Variants in KLHL18 observed in about 807,000 individuals in gnomAD.
KLHL18 encodes kelch like family member 18.
KLHL18 carries 38 observed loss-of-function variants against 58.5 expected under a neutral mutation model. That is an observed-to-expected ratio of 0.65 (90% confidence interval 0.50 to 0.85). The LOEUF (loss-of-function observed/expected upper bound fraction) is 0.85, where lower values mean the gene tolerates loss of function less well. KLHL18 is among the 40% of genes least tolerant of loss of function. The pLI is 0.00. For synonymous variants in KLHL18, 303 were observed against 301.9 expected (o/e 1.00, Z -0.04); for missense variants, 624 against 778.4 (o/e 0.80, Z 2.36).
At chr3:47,293,062 T>C (rs765902761) in intron 1 of KLHL18, among the ~76,000 whole-genome samples, 13 of 152,174 alleles carry the variant, frequency 8.5e-5, no homozygotes, top group Non-Finnish European at 1.6e-4. Context: ...TCCACTTATA[T>C]GAACTACCTA....
At chr3:47,318,949 C>G (rs1346266617) in intron 1 of KLHL18, among the ~76,000 whole-genome samples, 1 of 152,200 alleles carries the variant, frequency 6.6e-6, no homozygotes, top group Non-Finnish European at 1.5e-5. Context: ...TTTTGCTCTT[C>G]CTGGAGAATA....
At chr3:47,330,193 T>C in intron 4 of KLHL18, 44 bp downstream of exon 4, 1 of 1,535,430 alleles carries the variant, frequency 6.5e-7, no homozygotes, top group Non-Finnish European at 9.0e-7. Flanking sequence ...CATGAGATGC[T>C]GCTCTTTATA....
chr3:47,295,586 T>C (rs1295892648), intron 1 of KLHL18, among the ~76,000 whole-genome samples: 1 of 152,160 alleles, frequency 6.6e-6, no homozygotes, highest in Non-Finnish European at 1.5e-5. Flanking sequence ...TTTTCTTTTT[T>C]CTTTCTTCAG....
chr3:47,330,401 C>T (rs572453682), intron 4 of KLHL18, among the ~76,000 whole-genome samples: 1 of 152,228 alleles, frequency 6.6e-6, no homozygotes, highest in East Asian at 1.9e-4. Flanking sequence ...TTACTGCAGC[C>T]TCATCCTCCC....
intron 1 of KLHL18, among the ~76,000 whole-genome samples, chr3:47,300,309 A>ATATATATATATATATATATG (rs1244173185): frequency 6.9e-6 from 1 of 144,404 alleles, no homozygotes; most frequent in South Asian, 2.1e-4. Flanking sequence ...ATATATATAT[A>ATATATATATATATATATATG]TGTGTGTATA....
chr3:47,301,896 A>G (rs369445270), intron 1 of KLHL18, among the ~76,000 whole-genome samples: 9 of 152,240 alleles, frequency 5.9e-5, no homozygotes, highest in African/African-American at 1.9e-4. Flanking sequence ...CCCAGGCTCA[A>G]GCAATTCTCT....
At chr3:47,342,315 T>C (rs1559506361) in intron 8 of KLHL18, among the ~76,000 whole-genome samples, 1 of 152,018 alleles carries the variant, frequency 6.6e-6, no homozygotes, top group Non-Finnish European at 1.5e-5. Flanking sequence ...GAGCAAGCAC[T>C]GACTAGGAAG....
intron 1 of KLHL18, among the ~76,000 whole-genome samples, chr3:47,296,325 A>G (rs1702896182): frequency 6.6e-6 from 1 of 152,212 alleles, no homozygotes; most frequent in Admixed American, 6.5e-5. Flanking sequence ...TCAAGCACTT[A>G]AAAGTATTTA....
At chr3:47,284,658 G>C (rs1702630945) in intron 1 of KLHL18, among the ~76,000 whole-genome samples, 1 of 152,006 alleles carries the variant, frequency 6.6e-6, no homozygotes, top group Non-Finnish European at 1.5e-5. Flanking sequence ...TTTTCTACAT[G>C]GTTAAGGAAA....
intron 1 of KLHL18, among the ~76,000 whole-genome samples, chr3:47,291,590 G>C (rs1045611461): frequency 1.3e-5 from 2 of 152,212 alleles, no homozygotes; most frequent in Admixed American, 1.3e-4. Context: ...GGGTGTGGCT[G>C]TGTTCCAGTG....
At chr3:47,308,214 TTC>T (rs1208654248) in intron 1 of KLHL18, among the ~76,000 whole-genome samples, 12 of 151,944 alleles carry the variant, frequency 7.9e-5, no homozygotes, top group African/African-American at 2.4e-4. Context: ...CACTTAACTG[TTC>T]TTTTTTTTTT....
intron 1 of KLHL18, among the ~76,000 whole-genome samples, chr3:47,308,386 T>G (rs1703198422): frequency 6.6e-6 from 1 of 152,130 alleles, no homozygotes; most frequent in Admixed American, 6.6e-5. Flanking sequence ...CGTCAATATG[T>G]AGTTTTTCTT....
intron 9 of KLHL18, 131 bp downstream of exon 9, chr3:47,342,961 T>G (rs760859264): frequency 5.9e-6 from 4 of 673,034 alleles, no homozygotes; most frequent in Non-Finnish European, 1.0e-5. Flanking sequence ...GGTTTCAGGC[T>G]ATCCACTGCA....
intron 3 of KLHL18, among the ~76,000 whole-genome samples, chr3:47,324,294 C>CTTTTTTTTTTTTTTTTT (rs1559498832): frequency 7.5e-4 from 8 of 10,602 alleles, no homozygotes; most frequent in Admixed American, 1.6e-3. Context: ...CTTTTTCTTT[C>CTTTTTTTTTTTTTTTTT]TTTCTTTTTT....
chr3:47,333,714 A>G (rs576039419), intron 5 of KLHL18, among the ~76,000 whole-genome samples: 67 of 152,324 alleles, frequency 4.4e-4, no homozygotes, highest in African/African-American at 1.5e-3. Flanking sequence ...AGTAAATATT[A>G]GTCAGTGCTG....
chr3:47,325,183 CT>C lies in KLHL18; in HGVS notation c.401+2486del, dbSNP rs1278529309. ...GAAGGTGCATCATTTTCTTTTTTTT[CT>C]TTTTTTTTTTAAGGCGGAGCCTTGC... On this transcript the variant is annotated intron_variant, in intron 3 of 9. Coordinates refer to ENST00000232766, the MANE Select transcript of KLHL18 (RefSeq NM_025010.5). 4.9e-4 allele frequency among the ~76,000 whole-genome samples: 72 copies of C among 146,950 alleles called. 1 individual carries two copies. The highest frequency in any genetic ancestry group is 2.2e-4 in the South Asian group (1 of 4,640).
At chr3:47,318,489 T>C (rs1308416598) in intron 1 of KLHL18, among the ~76,000 whole-genome samples, 1 of 152,212 alleles carries the variant, frequency 6.6e-6, no homozygotes, top group East Asian at 1.9e-4. Context: ...GTTGGTCACA[T>C]AGACCAACCC....
chr3:47,316,806 CAT>C (rs1343360858), intron 1 of KLHL18, among the ~76,000 whole-genome samples: 26 of 145,638 alleles, frequency 1.8e-4, no homozygotes, highest in Non-Finnish European at 3.5e-4. Context: ...TATATATATA[CAT>C]ATATATATTT....
rs148431074 is a variant in KLHL18 at position 47,330,641 on chromosome 3, A to C, written c.600+492A>C. ...GCATTCTGTTGATTTTTGTCAACCT[A>C]CTCACCTTATTCTTGCATGTTTGGG... On this transcript the variant is annotated intron_variant, in intron 4 of 9. Coordinates refer to ENST00000232766, the MANE Select transcript of KLHL18 (RefSeq NM_025010.5). Among the ~76,000 whole-genome samples, 132 of 152,104 alleles carry C rather than the reference A, an allele frequency of 8.7e-4. 2 individuals carry two copies. Among genetic ancestry groups the C allele is most frequent in the African/African-American group, 3.0e-3 (124 of 41,478 alleles).
Sources: gnomAD v4.1 joint callset for allele counts (sites outside exome capture counted in the v4.1 genomes callset) on GRCh38, gnomAD v4.1.1 for gene constraint, MANE v1.5 for transcripts, NCBI Gene and HGNC (gene_info 2026-07-23, HGNC 2026-07-21) for gene names.